ANKRD13C: variants seen among roughly 807,000 people sequenced by gnomAD.
ANKRD13C encodes the protein ankyrin repeat domain-containing protein 13C.
In ANKRD13C, 16 loss-of-function variants were observed where a neutral mutation model predicts 65.5. The observed-to-expected ratio is 0.24, with a 90% confidence interval of 0.17 to 0.37. ANKRD13C has a LOEUF of 0.37. Among genes scored for constraint, ANKRD13C ranks in the 10% least tolerant of loss-of-function variants. ANKRD13C has a pLI of 1.00. For synonymous variants in ANKRD13C, 235 were observed against 238.7 expected (o/e 0.98, Z 0.14); for missense variants, 503 against 655.9 (o/e 0.77, Z 2.55).
chr1:70,328,838 T>G (rs949514702), intron 2 of ANKRD13C, among the ~76,000 whole-genome samples: 1 of 152,136 alleles, frequency 6.6e-6, no homozygotes, highest in Non-Finnish European at 1.5e-5. Flanking sequence ...GAGGGGATGA[T>G]AGCCAAGATA....
Position 70,291,033 on chromosome 1 carries a change from G to A in ANKRD13C, c.1215+1355C>T, listed in dbSNP as rs1207367905. ...ATGGCAGTAAAACATTAACATCTGG[G>A]AAATTTTTTTTTTTTTGAGACGGAG... On this transcript the variant is annotated intron_variant, in intron 9 of 12. Transcript: ENST00000370944. Among the ~76,000 whole-genome samples the A allele has an allele frequency of 1.3e-5, 2 of 151,208 alleles. 1 individual carries two copies. The highest frequency in any genetic ancestry group is 2.9e-5 in the Non-Finnish European group (2 of 67,968).
chr1:70,281,009 G>A (rs1031520558), intron 9 of ANKRD13C, among the ~76,000 whole-genome samples: 8 of 152,022 alleles, frequency 5.3e-5, no homozygotes, highest in African/African-American at 1.9e-4. Flanking sequence ...AGAAATTTCA[G>A]GTTGCCAGCT....
At chr1:70,299,246 A>G (rs1241367174) in intron 7 of ANKRD13C, among the ~76,000 whole-genome samples, 3 of 152,220 alleles carry the variant, frequency 2.0e-5, no homozygotes, top group Non-Finnish European at 4.4e-5. Context: ...CAAACTGCCA[A>G]GAGTGCAGTA....
In ANKRD13C at chr1:70,261,844, T is replaced by C. The variant is rs1678401307; in HGVS notation, c.*873A>G. The stretch of plus-strand genomic sequence containing the variant: ...CGATGTGTACTTATTAGGAAGCAAG[T>C]TTAAAAATTTGGATTTTTTTTTAAA... On this transcript the variant is annotated 3_prime_UTR_variant, in exon 13 of 13. Coordinates refer to ENST00000370944, the MANE Select transcript of ANKRD13C (RefSeq NM_030816.5). 6.6e-6 allele frequency: 1 copy of C among 152,284 alleles called. No homozygotes were observed. The highest frequency in any genetic ancestry group is 1.5e-5 in the Non-Finnish European group (1 of 67,914). 9.4% of individuals were successfully genotyped at this position (152,284 alleles called of 1,614,324 possible).
intron 3 of ANKRD13C, among the ~76,000 whole-genome samples, chr1:70,321,349 G>A (rs909336572): frequency 2.6e-5 from 4 of 152,176 alleles, no homozygotes; most frequent in African/African-American, 9.6e-5. Flanking sequence ...TAGAAGTTGA[G>A]AAAAGCCTTC....
At chr1:70,320,045 G>C (rs1180018690) in intron 3 of ANKRD13C, among the ~76,000 whole-genome samples, 1 of 152,112 alleles carries the variant, frequency 6.6e-6, no homozygotes, top group African/African-American at 2.4e-5. Context: ...TTGTACTTGA[G>C]CTGAGATCTG....
intron 12 of ANKRD13C, among the ~76,000 whole-genome samples, chr1:70,265,152 C>CG (rs1463526426): frequency 6.6e-6 from 1 of 152,012 alleles, no homozygotes; most frequent in Admixed American, 6.6e-5. Flanking sequence ...GGAAAGCCAA[C>CG]GGAAGGGTGT....
At chr1:70,346,762 T>C (rs573507840) in intron 1 of ANKRD13C, among the ~76,000 whole-genome samples, 48 of 152,262 alleles carry the variant, frequency 3.2e-4, no homozygotes, top group African/African-American at 1.0e-3. Context: ...ATACTGACCC[T>C]TGCCTCACAC....
intron 2 of ANKRD13C, among the ~76,000 whole-genome samples, chr1:70,334,316 A>G (rs890354974): frequency 2.0e-5 from 3 of 152,118 alleles, no homozygotes; most frequent in African/African-American, 7.2e-5. Context: ...ACGGAGCAAG[A>G]CCCTGTCTCT....
intron 5 of ANKRD13C, among the ~76,000 whole-genome samples, chr1:70,310,873 C>G (rs944555495): frequency 3.3e-5 from 5 of 152,058 alleles, no homozygotes; most frequent in Non-Finnish European, 7.4e-5. Flanking sequence ...ACTTGGAGCT[C>G]CTTTACTACA....
chr1:70,343,928 T>C (rs1419054037), intron 1 of ANKRD13C, among the ~76,000 whole-genome samples: 2 of 152,070 alleles, frequency 1.3e-5, no homozygotes, highest in Non-Finnish European at 2.9e-5. Flanking sequence ...GGCGGGAGGA[T>C]TGCTTGAGCC....
rs563813543 is a variant in ANKRD13C, at chr1:70,292,682, T to G, written c.1054-133A>C. 7.6e-6 allele frequency: 5 copies of G among 654,252 alleles called. No individual in the cohort carries two copies. In the South Asian group the frequency reaches 8.9e-5, roughly 12 times the overall value. 40.5% of individuals were successfully genotyped at this position (654,252 alleles called of 1,614,324 possible). The stretch of plus-strand genomic sequence containing the variant: ...TTTGGTACTTGAAATTATCAAACTA[T>G]CTTACATTTTCTAGGTTATACAACA... On this transcript the variant is annotated intron_variant, in intron 8 of 12. Transcript: ENST00000370944.
chr1:70,354,422 G>C lies in ANKRD13C; in HGVS notation c.-14C>G, dbSNP rs918998771. ...CTCCCCGGTCATCGCCGCCGCCAGG[G>C]GCAAGGGGGGGAATCGGGAGGCTCA... is the stretch of plus-strand genomic sequence containing the variant. On this transcript the variant is annotated 5_prime_UTR_variant, in exon 1 of 13. Coordinates refer to ENST00000370944, the MANE Select transcript of ANKRD13C (RefSeq NM_030816.5). 14 of 1,605,534 alleles carry C rather than the reference G, an allele frequency of 8.7e-6. No individual in the cohort carries two copies. The highest frequency in any genetic ancestry group is 1.1e-5 in the Non-Finnish European group (13 of 1,175,196).
intron 1 of ANKRD13C, among the ~76,000 whole-genome samples, chr1:70,349,830 T>C (rs1199153645): frequency 6.6e-6 from 1 of 152,124 alleles, no homozygotes; most frequent in African/African-American, 2.4e-5. Flanking sequence ...GAAAAAAACA[T>C]AATTAAAAAA....
chr1:70,274,228 C>T (rs1679024661), intron 11 of ANKRD13C, among the ~76,000 whole-genome samples: 1 of 151,316 alleles, frequency 6.6e-6, no homozygotes, highest in African/African-American at 2.4e-5. Context: ...AATCCCAGCA[C>T]TTTGGGAGGC....
chr1:70,263,814 T>A (rs1407693967), intron 12 of ANKRD13C, among the ~76,000 whole-genome samples: 3 of 152,080 alleles, frequency 2.0e-5, no homozygotes, highest in Admixed American at 6.6e-5. Flanking sequence ...AAATCATTTT[T>A]AAAAAAACTC....
Position 70,295,482 on chromosome 1 carries a change from G to A in ANKRD13C, c.1053+648C>T, listed in dbSNP as rs112420216. Among the ~76,000 whole-genome samples, 864 of 152,046 alleles carry A rather than the reference G, an allele frequency of 5.7e-3. 11 individuals are homozygous for A. Among genetic ancestry groups the A allele is most frequent in the African/African-American group, 0.019 (773 of 41,484 alleles). Reference sequence around the variant, plus strand: ...AGGCTGGTCTCGAACTCCTGACCTCGTGATCCGCCGGCCTCGGCCTCCCAA... The same window carrying A: ...AGGCTGGTCTCGAACTCCTGACCTCATGATCCGCCGGCCTCGGCCTCCCAA... On this transcript the variant is annotated intron_variant, in intron 8 of 12. Transcript: ENST00000370944.
chr1:70,339,247 T>C (rs1682196007), intron 1 of ANKRD13C, among the ~76,000 whole-genome samples: 3 of 149,736 alleles, frequency 2.0e-5, no homozygotes, highest in Admixed American at 2.0e-4. Context: ...GTCGACAATT[T>C]GGTGCTAGAG....
intron 11 of ANKRD13C, among the ~76,000 whole-genome samples, chr1:70,273,660 ATTTTTTC>A (rs1342033185): frequency 2.0e-5 from 3 of 151,686 alleles, no homozygotes; most frequent in Non-Finnish European, 2.9e-5. Flanking sequence ...AGACACACTC[ATTTTTTC>A]TTTTTTCTTT....
Sources: gnomAD v4.1 joint callset for allele counts (sites outside exome capture counted in the v4.1 genomes callset) on GRCh38, gnomAD v4.1.1 for gene constraint, MANE v1.5 for transcripts, NCBI Gene and HGNC (gene_info 2026-07-23, HGNC 2026-07-21) for gene names.